Variants in MED12 observed in about 807,000 individuals in gnomAD.
The protein encoded by MED12 is mediator complex subunit 12.
In MED12, 10 loss-of-function variants were observed where a neutral mutation model predicts 177.7. The ratio of observed to expected loss-of-function variants is 0.06; its 90% CI spans 0.03 to 0.10. MED12 has a LOEUF of 0.10. Among genes scored for constraint, MED12 ranks in the 10% least tolerant of loss-of-function variants. The probability of loss-of-function intolerance (pLI) is 1.00; values close to 1 mark genes in which losing one functional copy is unlikely to be tolerated. For missense variants in MED12, 867 were observed against 1,780.8 expected (o/e 0.49, Z 9.23); for synonymous variants, 641 against 678.4 (o/e 0.94, Z 0.86).
Position 71,132,762 on chromosome X carries a change from T to TCTCTC in MED12, c.4416-78_4416-74dup, listed in dbSNP as rs1305374328. On this transcript the variant is annotated intron_variant, in intron 31 of 44. Coordinates refer to ENST00000374080, the MANE Select transcript of MED12 (RefSeq NM_005120.3). ...CAGTCTCCCTTTTCTCCTCTCCTCT[T>TCTCTC]CTCTCCTCTTCTCTTCTCTTCTCTT... 1.1e-3 allele frequency: 775 copies of TCTCTC among 732,963 alleles called. 2 individuals are homozygous for TCTCTC. Among genetic ancestry groups the TCTCTC allele is most frequent in the Non-Finnish European group, 8.1e-4 (415 of 512,403 alleles). The allele number at this position is 732,963 out of a possible 1,213,427, so 60.4% of individuals were successfully genotyped here.
rs982066662 is a variant in MED12, at chrX:71,132,857, G to A, written c.4428G>A (p.Leu1476=). The change falls in exon 32 of 45, where the codon TTG becomes TTA. Residue 1476 remains leucine, a synonymous_variant. Coordinates refer to ENST00000374080, the MANE Select transcript of MED12 (RefSeq NM_005120.3). ...DRQKQKSMSL[L]SQQPFLSLVL... ...CTCTTGTCTCTAGCATGTCCCTATTGAGCCAGCAGCCCTTCTTATCGCTGG... is the reference window on the plus strand; with the variant it reads ...CTCTTGTCTCTAGCATGTCCCTATTAAGCCAGCAGCCCTTCTTATCGCTGG... 4.3e-6 allele frequency: 5 copies of A among 1,173,059 alleles called. No homozygotes were observed. Among genetic ancestry groups the A allele is most frequent in the Non-Finnish European group, 3.4e-6 (3 of 875,763 alleles).
chrX:71,126,252 T>G lies in MED12; in HGVS notation c.2542-89T>G. 2.6e-6 allele frequency: 3 copies of G among 1,172,634 alleles called. No individual in the cohort carries two copies. In the Admixed American group the frequency reaches 6.5e-5, roughly 25 times the overall value. On this transcript the variant is annotated intron_variant, in intron 18 of 44. Transcript: ENST00000374080. ...TCCCTGCTAGGCAGGCTAAGCCTCCTGGTCTCATCCCCTTCCAGTGTCATC... is the reference window on the plus strand; with the variant it reads ...TCCCTGCTAGGCAGGCTAAGCCTCCGGGTCTCATCCCCTTCCAGTGTCATC...
chrX:71,127,666 G>A, intron 21 of MED12, 199 bp downstream of exon 21: 1 of 477,304 alleles, frequency 2.1e-6, no homozygotes, highest in South Asian at 3.2e-5. Flanking sequence ...TATATCTGTG[G>A]GGCCCACCCT....
At chrX:71,134,162 C>T (rs1054750893) in intron 33 of MED12, among the ~76,000 whole-genome samples, 195 bp from the exon 34 acceptor site, 22 of 99,351 alleles carry the variant, frequency 2.2e-4, no homozygotes, top group African/African-American at 6.0e-4. Flanking sequence ...ACCCGGGAGG[C>T]GGAGTTTGCA....
Position 71,140,701 on chromosome X carries a change from C to A in MED12, c.6111C>A (p.Gly2037=). 1.7e-6 allele frequency: 2 copies of A among 1,209,562 alleles called. No individual in the cohort carries two copies. The highest frequency in any genetic ancestry group is 3.5e-5 in the South Asian group (2 of 56,848). The change falls in exon 42 of 45, where the codon GGC becomes GGA. Residue 2037 remains glycine (G), a synonymous_variant. Coordinates refer to ENST00000374080, the MANE Select transcript of MED12 (RefSeq NM_005120.3). Reference sequence around the variant, plus strand: ...CCATGACTCCAATGAGTGCCCAGGGCGTCCAGGCAGGCGTCCGTTCAACAG... The same window carrying A: ...CCATGACTCCAATGAGTGCCCAGGGAGTCCAGGCAGGCGTCCGTTCAACAG... ...ISTMTPMSAQ[G]VQAGVRSTAI...
At chrX:71,123,296 G>C in intron 11 of MED12, 70 bp downstream of exon 11, 1 of 1,159,544 alleles carries the variant, frequency 8.6e-7, no homozygotes, top group South Asian at 1.8e-5. Flanking sequence ...GAGACCGAGA[G>C]ATGGAGGTGG....
At chrX:71,130,640 G>A (rs2092314652) in intron 28 of MED12, among the ~76,000 whole-genome samples, 1 of 112,762 alleles carries the variant, frequency 8.9e-6, no homozygotes, top group African/African-American at 3.2e-5. Flanking sequence ...TATGAAGTAG[G>A]TGAGCCTCCC....
chrX:71,127,500 G>A (rs1442783500), intron 21 of MED12, 33 bp downstream of exon 21: 2 of 1,179,296 alleles, frequency 1.7e-6, no homozygotes, highest in Admixed American at 4.3e-5. Flanking sequence ...GGTAGCGAGT[G>A]GGACCTACTC....
In MED12 at chrX:71,129,158, C is replaced by T. The variant is rs2092310575; in HGVS notation, c.3520C>T (p.Arg1174Cys). 2.5e-6 allele frequency: 3 copies of T among 1,211,291 alleles called. No homozygotes were observed. Among genetic ancestry groups the T allele is most frequent in the Non-Finnish European group, 3.4e-6 (3 of 895,109 alleles). ...DSEPGARLTC[R>C]ILLHLFKTPQ... The stretch of plus-strand genomic sequence containing the variant: ...TGAGCCAGGGGCCCGGCTTACCTGC[C>T]GCATCCTCCTTCACCTTTTCAAGAC... Residue 1174 changes from arginine to cysteine, a missense_variant, in exon 25 of 45, where the codon CGC becomes TGC. Physicochemically the swap from Arg to Cys is radical, Grantham distance 180. Coordinates refer to ENST00000374080, the MANE Select transcript of MED12 (RefSeq NM_005120.3).
intron 36 of MED12, 62 bp downstream of exon 36, chrX:71,135,315 T>G: frequency 8.6e-7 from 1 of 1,160,003 alleles, no homozygotes; most frequent in Non-Finnish European, 1.2e-6. Flanking sequence ...GAACTTTGCC[T>G]GCATCAGCTT....
At position 71,118,679 on chromosome X, in the gene MED12, C is replaced by A. The variant is rs2092281061; in HGVS notation, c.-76C>A. 1.0e-6 allele frequency: 1 copy of A among 989,996 alleles called. No homozygotes were observed. The highest frequency in any genetic ancestry group is 1.4e-6 in the Non-Finnish European group (1 of 711,715). 81.6% of individuals were successfully genotyped at this position (989,996 alleles called of 1,213,427 possible). A position where few individuals can be genotyped will look rare whatever the true frequency, so the allele number is the denominator to read the frequency against. Reference sequence around the variant, plus strand: ...TCCTCTCAACCACCGCCCCCCTTTTCGGCTCCCTCTCCCCCTTCCCGTTCC... The same window carrying A: ...TCCTCTCAACCACCGCCCCCCTTTTAGGCTCCCTCTCCCCCTTCCCGTTCC... On this transcript the variant is annotated 5_prime_UTR_variant, in exon 1 of 45. Coordinates refer to ENST00000374080, the MANE Select transcript of MED12 (RefSeq NM_005120.3).
chrX:71,122,190 T>C lies in MED12; in HGVS notation c.1102-10T>C. On this transcript the variant is annotated splice_polypyrimidine_tract_variant and intron_variant, in intron 7 of 44. Transcript: ENST00000374080. ...TGAATGAGTTGGACTTAGCTGTTTC[T>C]ATCTGGTAGACCATCCTCCTGTGCT... 5 of 1,211,844 alleles carry C rather than the reference T, an allele frequency of 4.1e-6. No homozygotes were observed. Among genetic ancestry groups the C allele is most frequent in the Non-Finnish European group, 3.4e-6 (3 of 895,404 alleles).
chrX:71,123,655 C>T lies in MED12; in HGVS notation c.1679C>T (p.Ala560Val). ...KGSIASGSLS[A>V]PSAPIFQDVL... ...TCCATCGCCTCTGGCTCCCTTTCTG[C>T]TCCCAGTGCTCCCATTTTCCAGGAT... Residue 560 changes from alanine to valine, a missense_variant, in exon 12 of 45, where the codon GCT (alanine) becomes GTT (valine). By Grantham distance (64) the Ala-to-Val change is moderately conservative. Transcript: ENST00000374080. The T allele has an allele frequency of 8.3e-7, 1 of 1,207,982 alleles. No individual in the cohort carries two copies. The highest frequency in any genetic ancestry group is 1.1e-6 in the Non-Finnish European group (1 of 892,996).
At chrX:71,140,112 C>G (rs2147836478) in intron 41 of MED12, among the ~76,000 whole-genome samples, 1 of 92,824 alleles carries the variant, frequency 1.1e-5, no homozygotes, top group South Asian at 5.8e-4. Flanking sequence ...TGGAGTCTCG[C>G]TCTGTCATCC....
chrX:71,129,474 G>A (rs2092311379), intron 26 of MED12, 45 bp downstream of exon 26: 1 of 1,018,057 alleles, frequency 9.8e-7, no homozygotes, highest in Non-Finnish European at 1.4e-6. Context: ...TGTATAGGGT[G>A]GAGTGCCAGC....
Position 71,136,661 on chromosome X carries a change from C to T in MED12, c.5400+6C>T, listed in dbSNP as rs192656109. ...AGCCAGCTACCAAGACAGAGGTGAG[C>T]GCCTCCCCCGTGACAGTTCTCCCAC... is the stretch of plus-strand genomic sequence containing the variant. On this transcript the variant is annotated splice_donor_region_variant and intron_variant, in intron 37 of 44. Transcript: ENST00000374080. The T allele has an allele frequency of 6.9e-4, 831 of 1,204,656 alleles. 3 individuals carry two copies. Among genetic ancestry groups the T allele is most frequent in the Middle Eastern group, 4.6e-3 (15 of 3,231 alleles).
At chrX:71,142,013 G>A (rs954522366) in intron 44 of MED12, 49 bp downstream of exon 44, 2 of 1,160,165 alleles carry the variant, frequency 1.7e-6, no homozygotes, top group Non-Finnish European at 2.3e-6. Flanking sequence ...TAAATTTAGG[G>A]GGCGGGGTGG....
intron 33 of MED12, among the ~76,000 whole-genome samples, chrX:71,133,652 C>T (rs1398693758): frequency 9.1e-6 from 1 of 110,212 alleles, no homozygotes; most frequent in Non-Finnish European, 1.9e-5. Context: ...GAAGTATTAA[C>T]CTTGTTCTCT....
rs763233945 is a variant in MED12, at chrX:71,136,389, C to T, written c.5134C>T (p.Arg1712Trp). The T allele has an allele frequency of 2.5e-6, 3 of 1,211,145 alleles. No homozygotes were observed. Among genetic ancestry groups the T allele is most frequent in the East Asian group, 3.0e-5 (1 of 33,816 alleles). ...CTGGTTTGGAACAGTCCGAGTGGAC[C>T]GGCGAGTGGCTCGAGGAGAGGAGCA... Reference protein sequence around the residue: ...WGWFGTVRVDRRVARGEEQQR... With the variant: ...WGWFGTVRVDWRVARGEEQQR... Residue 1712 changes from arginine (R) to tryptophan (W), a missense_variant, in exon 37 of 45, where the codon CGG (arginine) becomes TGG (tryptophan). Coordinates refer to ENST00000374080, the MANE Select transcript of MED12 (RefSeq NM_005120.3).
Sources: gnomAD v4.1 joint callset for allele counts (sites outside exome capture counted in the v4.1 genomes callset) on GRCh38, gnomAD v4.1.1 for gene constraint, MANE v1.5 for transcripts, NCBI Gene and HGNC (gene_info 2026-07-23, HGNC 2026-07-21) for gene names.